The following CCDC171 variants were observed in gnomAD, a reference collection of about 807,000 sequenced individuals.
The protein encoded by CCDC171 is coiled-coil domain containing 171.
A neutral mutation model predicts 168.2 loss-of-function variants in CCDC171; 177 were observed. That is an observed-to-expected ratio of 1.05 (90% CI 0.93 to 1.19). The LOEUF (loss-of-function observed/expected upper bound fraction) is 1.19, where lower values mean the gene tolerates loss of function less well. Ranked by LOEUF, CCDC171 falls within the 50% of genes most tolerant of loss-of-function variation. CCDC171 has a pLI of 0.00. For missense variants in CCDC171, 1,991 were observed against 1,539.0 expected, an observed-to-expected ratio of 1.29 and a Z score of -4.91; for synonymous variants, 687 against 540.8, an observed-to-expected ratio of 1.27 and a Z score of -3.75.
At chr9:15,590,221 G>C (rs573039391) in intron 4 of CCDC171, among the ~76,000 whole-genome samples, 1 of 152,130 alleles carries the variant, frequency 6.6e-6, no homozygotes, top group Non-Finnish European at 1.5e-5. Context: ...GACTTTTAAT[G>C]TATTTCCTTT....
At chr9:16,062,844 A>T (rs964799436), downstream of CCDC171, among the ~76,000 whole-genome samples, 13 of 152,172 alleles carry the variant, frequency 8.5e-5, no homozygotes, top group Non-Finnish European at 1.5e-4. Flanking sequence ...TCCTTGAAGG[A>T]TGGAGTTCCA....
At chr9:15,918,465 T>C (rs2131961795) in intron 24 of CCDC171, among the ~76,000 whole-genome samples, 1 of 151,248 alleles carries the variant, frequency 6.6e-6, no homozygotes, top group South Asian at 2.1e-4. Context: ...ATTTCTGGTC[T>C]ACTATCTCAA....
intron 3 of CCDC171, among the ~76,000 whole-genome samples, chr9:15,998,395 G>A (rs1215528988): frequency 6.6e-6 from 1 of 152,190 alleles, no homozygotes; most frequent in Non-Finnish European, 1.5e-5. Flanking sequence ...TCACTGGGAA[G>A]TGGATCTCCT....
At chr9:15,891,539 C>T (rs180793219) in intron 24 of CCDC171, among the ~76,000 whole-genome samples, 33 of 152,142 alleles carry the variant, frequency 2.2e-4, no homozygotes, top group Admixed American at 2.1e-3. Context: ...GTTTAGTCTG[C>T]AAAAAGTGTA....
chr9:15,939,040 A>G (rs894531304), intron 25 of CCDC171, among the ~76,000 whole-genome samples: 1 of 151,128 alleles, frequency 6.6e-6, no homozygotes, highest in Non-Finnish European at 1.5e-5. Context: ...GATTCTTATG[A>G]TTATAATTAT....
At chr9:15,977,972 T>C (rs1357878183), downstream of CCDC171, among the ~76,000 whole-genome samples, 1 of 152,054 alleles carries the variant, frequency 6.6e-6, no homozygotes, top group African/African-American at 2.4e-5. Flanking sequence ...GGACATCTCA[T>C]TTTTGCCTTT....
chr9:15,940,480 C>T (rs752379143), intron 25 of CCDC171, among the ~76,000 whole-genome samples: 4 of 151,866 alleles, frequency 2.6e-5, no homozygotes, highest in Non-Finnish European at 5.9e-5. Context: ...AATAAGGGTT[C>T]GGTCCCTTTG....
intron 11 of CCDC171, among the ~76,000 whole-genome samples, chr9:15,699,576 C>A (rs1047589665): frequency 6.6e-6 from 1 of 152,008 alleles, no homozygotes; most frequent in Admixed American, 6.6e-5. Context: ...AGGTTCTCCA[C>A]GTCCCCACCA....
At chr9:15,612,140 C>A (rs561381048) in intron 6 of CCDC171, among the ~76,000 whole-genome samples, 1 of 152,180 alleles carries the variant, frequency 6.6e-6, no homozygotes, top group Non-Finnish European at 1.5e-5. Context: ...AAATACATTT[C>A]TGTTTTTTAT....
intron 9 of CCDC171, among the ~76,000 whole-genome samples, chr9:15,670,909 C>T (rs887987428): frequency 3.3e-5 from 5 of 151,786 alleles, no homozygotes; most frequent in African/African-American, 9.7e-5. Flanking sequence ...TTGGGAGGCT[C>T]TGGTGGGAGG....
At chr9:15,849,932 G>T (rs761799250) in intron 23 of CCDC171, among the ~76,000 whole-genome samples, 1 of 151,230 alleles carries the variant, frequency 6.6e-6, no homozygotes. Flanking sequence ...ATTATTTCAT[G>T]TCAACAAAAG....
chr9:15,732,810 G>T (rs1397627850), intron 16 of CCDC171, among the ~76,000 whole-genome samples: 1 of 152,088 alleles, frequency 6.6e-6, no homozygotes, highest in African/African-American at 2.4e-5. Context: ...ATACCTAGGA[G>T]TTTGATTTCT....
chr9:15,880,673 A>C (rs1335760834), intron 24 of CCDC171, among the ~76,000 whole-genome samples: 1 of 142,966 alleles, frequency 7.0e-6, no homozygotes, highest in Non-Finnish European at 1.5e-5. Flanking sequence ...ACGAGGTTTC[A>C]CCGTGTTGGC....
At chr9:16,067,063 T>C in the CCDC171 span, among the ~76,000 whole-genome samples, 3 of 152,100 alleles carry the variant, frequency 2.0e-5, no homozygotes, top group Non-Finnish European at 2.9e-5. Flanking sequence ...GTTGAACTAG[T>C]TTACAGTCCC....
chr9:16,045,646 A>G (rs1035893544), intron 1 of CCDC171, among the ~76,000 whole-genome samples: 1 of 152,122 alleles, frequency 6.6e-6, no homozygotes, highest in Non-Finnish European at 1.5e-5. Context: ...TGAGCCCTGG[A>G]GTGTCCACTG....
Position 15,728,959 on chromosome 9 carries a change from T to C in CCDC171, c.1861-651T>C, listed in dbSNP as rs1458450937. The stretch of plus-strand genomic sequence containing the variant: ...TTGGTCCTATTGACAAACACAACCA[T>C]AGACACTGAGAAGTAGGGCTAGGAA... On this transcript the variant is annotated intron_variant, in intron 15 of 25. Transcript: ENST00000380701. Among the ~76,000 whole-genome samples the C allele has an allele frequency of 3.3e-5, 5 of 152,112 alleles. No individual in the cohort carries two copies. The East Asian group carries it at 7.7e-4, about 23-fold the overall frequency.
rs191098695 is a variant in CCDC171, at chr9:15,793,366, A to T, written c.3267+8672A>T. 7.4e-4 allele frequency among the ~76,000 whole-genome samples: 113 copies of T among 152,102 alleles called. 1 individual carries two copies. In the East Asian group the frequency reaches 0.021, roughly 29 times the overall value. ...ACAAAGAGACTTAGACTCCCACACA[A>T]TAATAATGGGAGACTTTAACACCCC... is the stretch of plus-strand genomic sequence containing the variant. On this transcript the variant is annotated intron_variant, in intron 21 of 25. Transcript: ENST00000380701.
intron 25 of CCDC171, among the ~76,000 whole-genome samples, chr9:15,924,147 C>T (rs1825647289): frequency 6.6e-6 from 1 of 151,468 alleles, no homozygotes; most frequent in Non-Finnish European, 1.5e-5. Flanking sequence ...AAACAGATTT[C>T]TGCTTATGTT....
intron 25 of CCDC171, among the ~76,000 whole-genome samples, chr9:15,927,876 G>A (rs867833244): frequency 8.6e-5 from 13 of 151,764 alleles, no homozygotes; most frequent in Admixed American, 2.0e-4. Flanking sequence ...TTTTTCTCCA[G>A]GTAAGTTGCT....
Sources: gnomAD v4.1 joint callset for allele counts (sites outside exome capture counted in the v4.1 genomes callset) on GRCh38, gnomAD v4.1.1 for gene constraint, MANE v1.5 for transcripts, NCBI Gene and HGNC (gene_info 2026-07-23, HGNC 2026-07-21) for gene names.